PSME4: variants seen among roughly 807,000 people sequenced by gnomAD.
PSME4 encodes proteasome activator subunit 4.
Under a neutral mutation model 253.9 loss-of-function variants are expected in PSME4, and 89 were observed. The ratio of observed to expected loss-of-function variants is 0.35; its 90% CI spans 0.30 to 0.42. The LOEUF (loss-of-function observed/expected upper bound fraction) is 0.42. PSME4 is among the 10% of genes least tolerant of loss of function. The pLI is 1.00. For missense variants in PSME4, 2,014 were observed against 2,195.2 expected, an observed-to-expected ratio of 0.92 and a Z score of 1.65; for synonymous variants, 851 against 759.2, an observed-to-expected ratio of 1.12 and a Z score of -1.99.
At chr2:53,935,995 G>C in intron 7 of PSME4, 92 bp downstream of exon 7, 2 of 1,481,324 alleles carry the variant, frequency 1.4e-6, no homozygotes, top group South Asian at 1.4e-5. Context: ...CTGGGTTCAA[G>C]AGATTCTCCT....
At chr2:53,921,935 G>A (rs1332790771) in intron 17 of PSME4, among the ~76,000 whole-genome samples, 1 of 151,084 alleles carries the variant, frequency 6.6e-6, no homozygotes, top group Non-Finnish European at 1.5e-5. Context: ...CACTTTGGGA[G>A]GCTGAGGCAG....
chr2:53,929,405 G>A (rs1038331215), intron 10 of PSME4, among the ~76,000 whole-genome samples: 4 of 151,940 alleles, frequency 2.6e-5, no homozygotes, highest in Admixed American at 2.6e-4. Context: ...TAAACCTCCT[G>A]CCTTGGCTTC....
At position 53,869,608 on chromosome 2, in the gene PSME4, G is replaced by C. The variant is rs112982094; in HGVS notation, c.5101-70C>G. The C allele has an allele frequency of 9.0e-5, 116 of 1,288,448 alleles. No homozygotes were observed. In the African/African-American group the frequency reaches 1.5e-3, roughly 17 times the overall value. 79.8% of individuals were successfully genotyped at this position (1,288,448 alleles called of 1,614,324 possible). A position where few individuals can be genotyped will look rare whatever the true frequency, so the allele number is the denominator to read the frequency against. ...AGGGAATAATGGAGGATAGGGGGTA[G>C]TGTGGGAACTGGGGTGAAGACCTTC... On this transcript the variant is annotated intron_variant, in intron 43 of 46. Transcript: ENST00000404125.
At chr2:53,954,777 G>A (rs1304687139) in intron 1 of PSME4, among the ~76,000 whole-genome samples, 1 of 151,862 alleles carries the variant, frequency 6.6e-6, no homozygotes, top group Non-Finnish European at 1.5e-5. Flanking sequence ...GGATGTGGAG[G>A]TTGCAGTGAG....
At chr2:53,918,772 T>C (rs1668171815) in intron 20 of PSME4, among the ~76,000 whole-genome samples, 1 of 152,056 alleles carries the variant, frequency 6.6e-6, no homozygotes, top group Non-Finnish European at 1.5e-5. Flanking sequence ...GAAGAAATCT[T>C]TTTTTTTAAA....
intron 43 of PSME4, among the ~76,000 whole-genome samples, chr2:53,873,803 A>G (rs1285447298): frequency 1.3e-5 from 2 of 152,178 alleles, no homozygotes; most frequent in Non-Finnish European, 2.9e-5. Flanking sequence ...ATCATCCCCA[A>G]TTTCTCATGG....
rs376240260 is a variant in PSME4, at chr2:53,890,175, G to C, written c.4225C>G (p.Leu1409Val). 1.7e-5 allele frequency: 28 copies of C among 1,613,762 alleles called. No homozygotes were observed. The highest frequency in any genetic ancestry group is 2.3e-5 in the Non-Finnish European group (27 of 1,179,884). Residue 1409 changes from leucine (L) to valine (V), a missense_variant, in exon 37 of 47, where the codon CTT (leucine) becomes GTT (valine). Leu to Val is a conservative substitution (Grantham distance 32). This residue lies in a region of PSME4 where 403 missense variants were observed against 556.1 expected (regional missense o/e 0.72). Coordinates refer to ENST00000404125, the MANE Select transcript of PSME4 (RefSeq NM_014614.3). ...EKLWELLCPL[L>V]RTALSNITVE... ...GTAATATTGGACAGTGCTGTTCTAAGCAGAGGGCACAGAAGCTCCCAAAGC... is the reference window on the plus strand; with the variant it reads ...GTAATATTGGACAGTGCTGTTCTAACCAGAGGGCACAGAAGCTCCCAAAGC...
chr2:53,918,657 C>T (rs775496546), intron 20 of PSME4, among the ~76,000 whole-genome samples: 1 of 151,996 alleles, frequency 6.6e-6, no homozygotes, highest in Non-Finnish European at 1.5e-5. Context: ...CCTTAAATGG[C>T]GGAGCTAACA....
At chr2:53,959,192 T>C (rs1394590798) in intron 1 of PSME4, among the ~76,000 whole-genome samples, 1 of 152,148 alleles carries the variant, frequency 6.6e-6, no homozygotes, top group Non-Finnish European at 1.5e-5. Context: ...TTACTGATTA[T>C]TGTATTTTTT....
intron 44 of PSME4, among the ~76,000 whole-genome samples, chr2:53,867,164 G>C (rs1237347779): frequency 6.6e-6 from 1 of 152,132 alleles, no homozygotes; most frequent in East Asian, 1.9e-4. Context: ...TTTGAGACCA[G>C]CCAGGGCAAT....
chr2:53,906,520 C>A, intron 26 of PSME4, 78 bp downstream of exon 26: 1 of 1,411,340 alleles, frequency 7.1e-7, no homozygotes, highest in African/African-American at 1.4e-5. Context: ...TTTAAACTCT[C>A]TTCTTAAAAG....
chr2:53,892,278 C>A (rs1474592884), intron 36 of PSME4, among the ~76,000 whole-genome samples: 1 of 152,110 alleles, frequency 6.6e-6, no homozygotes, highest in East Asian at 1.9e-4. Flanking sequence ...TATTTTTAGT[C>A]TCGTGTATTT....
intron 27 of PSME4, 117 bp from the exon 28 acceptor site, chr2:53,901,676 T>C (rs1377184075): frequency 6.9e-6 from 5 of 721,762 alleles, no homozygotes; most frequent in African/African-American, 3.5e-5. Flanking sequence ...ATGCTTAATA[T>C]TGGTTAGTAA....
rs542664685 is a variant in PSME4, at chr2:53,904,817, C to T, written c.2944-661G>A. Among the ~76,000 whole-genome samples, 8 of 151,488 alleles carry T rather than the reference C, an allele frequency of 5.3e-5. No homozygotes were observed. The South Asian group carries it at 8.4e-4, about 16-fold the overall frequency. On this transcript the variant is annotated intron_variant, in intron 26 of 46. Transcript: ENST00000404125. ...CAGCCTGGCCAACATGGTGAAACCC[C>T]GTCTCTACTAAAAATACAAAATTAG...
At chr2:53,873,398 T>C (rs1276151337) in intron 43 of PSME4, among the ~76,000 whole-genome samples, 3 of 152,128 alleles carry the variant, frequency 2.0e-5, no homozygotes, top group African/African-American at 7.2e-5. Context: ...CTATTTTCAA[T>C]ACCAATAAGT....
At chr2:53,909,446 C>A (rs1186528861) in intron 21 of PSME4, among the ~76,000 whole-genome samples, 1 of 152,048 alleles carries the variant, frequency 6.6e-6, no homozygotes, top group East Asian at 1.9e-4. Flanking sequence ...CCAAGTATAA[C>A]ATATAAGTGC....
intron 27 of PSME4, 33 bp downstream of exon 27, chr2:53,903,992 T>G: frequency 6.5e-7 from 1 of 1,545,890 alleles, no homozygotes. Flanking sequence ...TGTTTGAAAA[T>G]GTTTACAGTA....
At chr2:53,932,461 C>T (rs1668876092) in intron 9 of PSME4, among the ~76,000 whole-genome samples, 1 of 152,102 alleles carries the variant, frequency 6.6e-6, no homozygotes, top group African/African-American at 2.4e-5. Flanking sequence ...CAAAAATGAG[C>T]CATGTTGTCA....
At chr2:53,923,449 AT>A (rs1383220293) in intron 14 of PSME4, 30 bp from the exon 15 acceptor site, 4 of 1,544,476 alleles carry the variant, frequency 2.6e-6, no homozygotes, top group Non-Finnish European at 3.5e-6. Context: ...TTTAATGAGC[AT>A]TTTTTAAGAA....
Sources: allele counts gnomAD v4.1 joint callset (sites outside exome capture counted in the v4.1 genomes callset), GRCh38; gene constraint gnomAD v4.1.1; regional missense constraint gnomAD v4.1.1; transcripts MANE v1.5; gene names NCBI Gene and HGNC (gene_info 2026-07-23, HGNC 2026-07-21).